The following PRELID1 variants were observed in gnomAD, a reference collection of about 807,000 sequenced individuals.
PRELID1 encodes the protein PRELI domain-containing protein 1, mitochondrial.
A neutral mutation model predicts 29.0 loss-of-function variants in PRELID1; 15 were observed. That is an observed-to-expected ratio of 0.52 (90% confidence interval 0.35 to 0.80). The LOEUF (loss-of-function observed/expected upper bound fraction) is 0.80. Ranked by LOEUF, PRELID1 falls within the 30% of genes least tolerant of loss-of-function variation. PRELID1 has a pLI of 0.01. For synonymous variants in PRELID1, 79 were observed against 106.5 expected (o/e 0.74, Z 1.59); for missense variants, 187 against 275.9 (o/e 0.68, Z 2.28).
intron 2 of PRELID1, 182 bp from the exon 3 acceptor site, chr5:177,305,689 G>A (rs1175308584): frequency 1.3e-5 from 8 of 606,732 alleles, no homozygotes; most frequent in Admixed American, 5.7e-5. Flanking sequence ...AGAGGTTTTC[G>A]AGAGCAAAAC....
In PRELID1 at chr5:177,306,471, G is replaced by A. The variant is rs775781630; in HGVS notation, c.561G>A (p.Glu187=). The change falls in exon 5 of 5, where the codon GAG becomes GAA. Residue 187 remains glutamate, a synonymous_variant. Coordinates refer to ENST00000303204, the MANE Select transcript of PRELID1 (RefSeq NM_013237.4). ...TTGAGACAGCCAAGGAAGCCAAGGA[G>A]AAGGCAAAGGAGACGGCACTGGCAG... The part of the protein sequence containing the change: ...TLVETAKEAK[E]KAKETALAAT... 1.9e-6 allele frequency: 3 copies of A among 1,614,026 alleles called. No individual in the cohort carries two copies. Among genetic ancestry groups the A allele is most frequent in the Admixed American group, 3.3e-5 (2 of 60,000 alleles).
At chr5:177,304,519 C>T in intron 1 of PRELID1, 106 bp from the exon 2 acceptor site, 1 of 955,346 alleles carries the variant, frequency 1.0e-6, no homozygotes, top group Non-Finnish European at 1.6e-6. Flanking sequence ...TGCAAGGTTA[C>T]GGGAAGGCGT....
At chr5:177,306,285 T>G in intron 4 of PRELID1, 109 bp downstream of exon 4, 3 of 1,562,624 alleles carry the variant, frequency 1.9e-6, no homozygotes, top group South Asian at 1.1e-5. Context: ...ACTCCTTGTC[T>G]GTACTGGGGG....
rs1246380567 is a variant in PRELID1, at chr5:177,304,786, T to C, written c.254T>C (p.Ile85Thr). ...AHSVYVLEDS[I>T]VDPQNQTMTT... ...TCGGTGTACGTCCTGGAGGACTCTA[T>C]TGTGGACCCACAGAATCAGACCATG... The change falls in exon 2 of 5, where the codon ATT becomes ACT. Residue 85 changes from isoleucine (I) to threonine (T), a missense_variant. Coordinates refer to ENST00000303204, the MANE Select transcript of PRELID1 (RefSeq NM_013237.4). The C allele has an allele frequency of 4.3e-6, 7 of 1,613,814 alleles. No homozygotes were observed. Among genetic ancestry groups the C allele is most frequent in the East Asian group, 2.2e-5 (1 of 44,862 alleles).
chr5:177,304,587 C>T (rs768093092), intron 1 of PRELID1, 38 bp from the exon 2 acceptor site: 4 of 1,555,804 alleles, frequency 2.6e-6, no homozygotes, highest in Non-Finnish European at 3.5e-6. Flanking sequence ...CTCTTAGGGG[C>T]AAGCTTCTGA....
intron 4 of PRELID1, 75 bp from the exon 5 acceptor site, chr5:177,306,347 T>G (rs770473859): frequency 6.2e-7 from 1 of 1,603,566 alleles, no homozygotes; most frequent in Non-Finnish European, 8.5e-7. Flanking sequence ...CAGAGGAGAT[T>G]GGTGTCATGG....
chr5:177,305,105 A>G (rs565474207), intron 2 of PRELID1, among the ~76,000 whole-genome samples: 6 of 152,198 alleles, frequency 3.9e-5, no homozygotes, highest in Non-Finnish European at 5.9e-5. Context: ...AGTTGTCCTA[A>G]GTTCTAAATG....
chr5:177,305,615 G>T, intron 2 of PRELID1: 1 of 497,274 alleles, frequency 2.0e-6, no homozygotes, highest in Non-Finnish European at 3.6e-6. Flanking sequence ...AGCAGGATGG[G>T]CTGGAAGGCC....
intron 2 of PRELID1, 34 bp from the exon 3 acceptor site, chr5:177,305,837 G>T: frequency 6.3e-7 from 1 of 1,582,656 alleles, no homozygotes; most frequent in Non-Finnish European, 8.7e-7. Context: ...CAAAATGAAA[G>T]ACTGTTCCAC....
At position 177,306,830 on chromosome 5, in the gene PRELID1, G is replaced by C. The variant is rs1760891418; in HGVS notation, c.*260G>C. The C allele has an allele frequency of 1.3e-6, 1 of 741,328 alleles. No individual in the cohort carries two copies. Among genetic ancestry groups the C allele is most frequent in the Non-Finnish European group, 2.1e-6 (1 of 466,988 alleles). 45.9% of individuals were successfully genotyped at this position (741,328 alleles called of 1,614,324 possible). A position where few individuals can be genotyped will look rare whatever the true frequency, so the allele number is the denominator to read the frequency against. ...GCCCGGGGCTCCAGGTAGCCTGCAG[G>C]TTAACTGGCGGTAAGTGCTAGACTG... On this transcript the variant is annotated 3_prime_UTR_variant, in exon 5 of 5. Transcript: ENST00000303204.
At chr5:177,305,256 G>A (rs79989845) in intron 2 of PRELID1, among the ~76,000 whole-genome samples, 7,397 of 151,794 alleles carry the variant, frequency 0.049, 264 homozygotes, top group Middle Eastern at 0.12. Context: ...ACCCAGGTTG[G>A]AGTGTAGTGA....
Position 177,303,942 on chromosome 5 carries a change from A to C in PRELID1, c.-44A>C, listed in dbSNP as rs755230872. 21 of 1,564,440 alleles carry C rather than the reference A, an allele frequency of 1.3e-5. No individual in the cohort carries two copies. The East Asian group carries it at 4.6e-4, about 34-fold the overall frequency. ...CCCTCGCGTGCCTCCCAGGCTCCGC[A>C]CCCCTGATGCTGCGCGGGTGCTGAG... On this transcript the variant is annotated 5_prime_UTR_variant, in exon 1 of 5. Transcript: ENST00000303204. This position sits in a 1 kb window ranked among gnomAD's most constrained non-coding sequence, Gnocchi z 6.1.
At position 177,303,848 on chromosome 5, in the gene PRELID1, G is replaced by A. The variant is rs1036935588; in HGVS notation, c.-138G>A. 70 of 570,712 alleles carry A rather than the reference G, an allele frequency of 1.2e-4. No individual in the cohort carries two copies. In the South Asian group the frequency reaches 1.5e-3, roughly 12 times the overall value. The allele number at this position is 570,712 out of a possible 1,614,324, so 35.4% of individuals were successfully genotyped here. A position where few individuals can be genotyped will look rare whatever the true frequency, so the allele number is the denominator to read the frequency against. ...CGGCGGCGGCGGCGGCAGCTGCTTG[G>A]GCGCGGTGCGGTGGTGACTGAGCTA... On this transcript the variant is annotated 5_prime_UTR_variant, in exon 1 of 5. The change creates a premature stop within an existing upstream ORF in the 5' untranslated region. Transcript: ENST00000303204. This position sits in a 1 kb window ranked among gnomAD's most constrained non-coding sequence, Gnocchi z 6.1.
Position 177,306,414 on chromosome 5 carries a change from C to G in PRELID1, c.512-8C>G. 1 of 1,614,040 alleles carries G rather than the reference C, an allele frequency of 6.2e-7. No homozygotes were observed. Among genetic ancestry groups the G allele is most frequent in the East Asian group, 2.2e-5 (1 of 44,878 alleles). On this transcript the variant is annotated splice_polypyrimidine_tract_variant and splice_region_variant and intron_variant, in intron 4 of 4. Coordinates refer to ENST00000303204, the MANE Select transcript of PRELID1 (RefSeq NM_013237.4). ...CTTCTAAAGGCAGCCACCTGCCGTTCGCGACAGGCGAGGCCCCTTCCAAAA... is the reference window on the plus strand; with the variant it reads ...CTTCTAAAGGCAGCCACCTGCCGTTGGCGACAGGCGAGGCCCCTTCCAAAA...
At chr5:177,304,167 A>G (rs1760793355) in intron 1 of PRELID1, 90 bp downstream of exon 1, 4 of 1,247,716 alleles carry the variant, frequency 3.2e-6, no homozygotes. Context: ...ACCAGGAAGG[A>G]CTCGATATCG....
At chr5:177,306,207 T>C (rs779289713) in intron 4 of PRELID1, 31 bp downstream of exon 4, 19 of 1,598,240 alleles carry the variant, frequency 1.2e-5, no homozygotes, top group Admixed American at 1.7e-5. Context: ...ATATTCCTCA[T>C]AGGGAGAGGC....
chr5:177,304,924 A>T (rs1760818258), intron 2 of PRELID1, 74 bp downstream of exon 2: 1 of 1,372,978 alleles, frequency 7.3e-7, no homozygotes, highest in Non-Finnish European at 1.0e-6. Context: ...CCTCAGATAC[A>T]TGTGGCTAGA....
intron 4 of PRELID1, 21 bp downstream of exon 4, chr5:177,306,197 A>T (rs1260062642): frequency 6.2e-7 from 1 of 1,603,654 alleles, no homozygotes; most frequent in East Asian, 2.2e-5. Context: ...GGGTATGTGG[A>T]TATTCCTCAT....
chr5:177,304,907 G>A (rs575201164), intron 2 of PRELID1, 57 bp downstream of exon 2: 2 of 1,461,014 alleles, frequency 1.4e-6, no homozygotes, highest in African/African-American at 2.8e-5. Flanking sequence ...CCCCGAGATA[G>A]AGAGCTCCTC....
Sources: gnomAD v4.1 joint callset for allele counts (sites outside exome capture counted in the v4.1 genomes callset) on GRCh38, gnomAD v4.1.1 for gene constraint, Gnocchi (gnomAD v3.1) non-coding constraint, MANE v1.5 for transcripts, NCBI Gene and HGNC (gene_info 2026-07-23, HGNC 2026-07-21) for gene names.